Variants in ACOXL observed in about 807,000 individuals in gnomAD.
ACOXL encodes acyl-CoA oxidase like.
Under a neutral mutation model 71.9 loss-of-function variants are expected in ACOXL, and 70 were observed. The observed-to-expected ratio is 0.97, with a 90% CI of 0.80 to 1.19. ACOXL has a LOEUF of 1.19. Ranked by LOEUF, ACOXL falls within the 50% of genes most tolerant of loss-of-function variation. The pLI is 0.00. For missense variants in ACOXL, 703 were observed against 736.3 expected (o/e 0.95, Z 0.52); for synonymous variants, 253 against 281.6 (o/e 0.90, Z 1.02).
intron 10 of ACOXL, among the ~76,000 whole-genome samples, chr2:110,900,021 G>C (rs967114502): frequency 6.6e-6 from 1 of 151,362 alleles, no homozygotes; most frequent in Non-Finnish European, 1.5e-5. Flanking sequence ...AAGAAAATTG[G>C]CTGGTGTTTT....
At chr2:111,003,576 A>G (rs2063739977) in intron 14 of ACOXL, among the ~76,000 whole-genome samples, 3 of 148,106 alleles carry the variant, frequency 2.0e-5, no homozygotes, top group Non-Finnish European at 3.0e-5. Context: ...AAAAAAAAAA[A>G]AAAGAATCAC....
intron 1 of ACOXL, among the ~76,000 whole-genome samples, chr2:110,766,447 C>T (rs1229231780): frequency 3.3e-5 from 5 of 152,160 alleles, no homozygotes; most frequent in African/African-American, 1.2e-4. Flanking sequence ...ATCTCATGAC[C>T]TCAGTTGCCT....
At chr2:110,921,395 C>CG (rs546006095) in intron 11 of ACOXL, among the ~76,000 whole-genome samples, 3 of 125,958 alleles carry the variant, frequency 2.4e-5, no homozygotes, top group East Asian at 5.0e-4. Flanking sequence ...TCCACCCCCC[C>CG]CCCCCTTTTT....
chr2:110,804,263 A>C (rs867563549), intron 8 of ACOXL, among the ~76,000 whole-genome samples: 1 of 152,194 alleles, frequency 6.6e-6, no homozygotes, highest in Non-Finnish European at 1.5e-5. Context: ...CTAGGATTAC[A>C]GGCATAAGTC....
chr2:110,863,887 G>A (rs1163724597), intron 10 of ACOXL, among the ~76,000 whole-genome samples: 2 of 152,148 alleles, frequency 1.3e-5, no homozygotes, highest in East Asian at 1.9e-4. Flanking sequence ...GCAAATACAG[G>A]CATTACTGCT....
At chr2:110,914,552 T>C (rs957196259) in intron 11 of ACOXL, among the ~76,000 whole-genome samples, 1 of 152,230 alleles carries the variant, frequency 6.6e-6, no homozygotes, top group African/African-American at 2.4e-5. Flanking sequence ...AATTTACTTA[T>C]TAGTCATTTA....
At chr2:111,024,994 A>G (rs1252955237) in intron 14 of ACOXL, among the ~76,000 whole-genome samples, 1 of 152,006 alleles carries the variant, frequency 6.6e-6, no homozygotes, top group East Asian at 1.9e-4. Context: ...CATATGTCAT[A>G]TAACCACCAC....
chr2:110,864,048 G>C (rs1478138894), intron 10 of ACOXL, among the ~76,000 whole-genome samples: 1 of 152,154 alleles, frequency 6.6e-6, no homozygotes, highest in East Asian at 1.9e-4. Flanking sequence ...CTCAGGCACA[G>C]AAGTGACACT....
intron 17 of ACOXL, chr2:111,115,599 A>C (rs777008292): frequency 6.6e-6 from 1 of 152,242 alleles, no homozygotes; most frequent in Non-Finnish European, 1.5e-5. Flanking sequence ...CTGGAATCAG[A>C]GTCAAACAAT....
At chr2:111,100,187 C>G (rs975471450) in intron 17 of ACOXL, 9 of 152,666 alleles carry the variant, frequency 5.9e-5, no homozygotes, top group Admixed American at 2.6e-4. Context: ...GAACCACAGC[C>G]CAGCTGTGGG....
At chr2:111,044,323 C>A (rs956425740) in intron 15 of ACOXL, among the ~76,000 whole-genome samples, 1 of 152,248 alleles carries the variant, frequency 6.6e-6, no homozygotes, top group African/African-American at 2.4e-5. Flanking sequence ...TCCCCAGTAG[C>A]AACACATCGC....
chr2:111,012,861 G>A (rs1315307786), intron 14 of ACOXL, among the ~76,000 whole-genome samples: 1 of 152,044 alleles, frequency 6.6e-6, no homozygotes, highest in Admixed American at 6.6e-5. Context: ...TTTTAAAAAG[G>A]TTTTAAATAA....
chr2:110,831,308 T>C (rs1170529835), intron 9 of ACOXL, among the ~76,000 whole-genome samples: 6 of 152,194 alleles, frequency 3.9e-5, no homozygotes, highest in African/African-American at 1.4e-4. Flanking sequence ...TAGATAAACA[T>C]ACAAGAATTA....
chr2:111,051,271 T>A (rs1182169725), intron 16 of ACOXL, among the ~76,000 whole-genome samples: 1 of 152,192 alleles, frequency 6.6e-6, no homozygotes, highest in Non-Finnish European at 1.5e-5. Context: ...GACAATGGTA[T>A]GCTGGGTTTT....
chr2:110,842,873 T>C (rs1374957023), intron 10 of ACOXL, among the ~76,000 whole-genome samples: 1 of 152,096 alleles, frequency 6.6e-6, no homozygotes, highest in Non-Finnish European at 1.5e-5. Flanking sequence ...ACCCCATCAA[T>C]TGTTTGTATG....
chr2:111,073,866 T>C (rs921058870), intron 16 of ACOXL, among the ~76,000 whole-genome samples: 1 of 152,222 alleles, frequency 6.6e-6, no homozygotes, highest in South Asian at 2.1e-4. Context: ...ACAAATGTAC[T>C]ATGTTGACTC....
intron 10 of ACOXL, among the ~76,000 whole-genome samples, chr2:110,878,981 C>T (rs186448480): frequency 3.3e-5 from 5 of 150,290 alleles, no homozygotes; most frequent in Admixed American, 2.0e-4. Context: ...TGCTTCATCC[C>T]GGGAGGCGGA....
At chr2:110,886,125 A>G (rs1244058921) in intron 10 of ACOXL, among the ~76,000 whole-genome samples, 1 of 152,234 alleles carries the variant, frequency 6.6e-6, no homozygotes, top group Non-Finnish European at 1.5e-5. Flanking sequence ...GCTTGTGGAT[A>G]TGTGCGTGTG....
At position 110,995,986 on chromosome 2, in the gene ACOXL, G is replaced by A; in HGVS notation, c.1263G>A (p.Val421=). The A allele has an allele frequency of 2.5e-6, 4 of 1,590,766 alleles. No individual in the cohort carries two copies. In the African/African-American group the frequency reaches 5.4e-5, roughly 21 times the overall value. Residue 421 remains valine, a synonymous_variant, in exon 14 of 18, where the codon GTG becomes GTA. Coordinates refer to ENST00000439055, the MANE Select transcript of ACOXL (RefSeq NM_001142807.4). The stretch of plus-strand genomic sequence containing the variant: ...AAAGGGTTCTTCAGCGGGGTTTGGT[G>A]GCCAGAATTTATTATAAGGTAAAGA... The part of the protein sequence containing the change: ...FRERVLQRGL[V]ARIYYKVKTK...
Sources: gnomAD v4.1 joint callset for allele counts (sites outside exome capture counted in the v4.1 genomes callset) on GRCh38, gnomAD v4.1.1 for gene constraint, MANE v1.5 for transcripts, NCBI Gene and HGNC (gene_info 2026-07-23, HGNC 2026-07-21) for gene names.